The following NTM variants were observed in gnomAD, a reference collection of about 807,000 sequenced individuals.
NTM encodes the protein IgLON family member 2.
NTM carries 13 observed loss-of-function variants against 42.1 expected under a neutral mutation model. The observed-to-expected ratio is 0.31, with a 90% CI of 0.20 to 0.49. The LOEUF (loss-of-function observed/expected upper bound fraction) is 0.49. Ranked by LOEUF, NTM falls within the 20% of genes least tolerant of loss-of-function variation. The pLI is 0.99. For missense variants in NTM, 373 were observed against 452.8 expected, an observed-to-expected ratio of 0.82 and a Z score of 1.60; for synonymous variants, 187 against 179.2, an observed-to-expected ratio of 1.04 and a Z score of -0.35.
intron 1 of NTM, among the ~76,000 whole-genome samples, chr11:131,854,140 T>C (rs1369565575): frequency 6.6e-6 from 1 of 152,212 alleles, no homozygotes; most frequent in Non-Finnish European, 1.5e-5. Flanking sequence ...TGAAGTCATC[T>C]TAGAATAAGG....
At chr11:132,144,054 T>G (rs2069773950) in intron 2 of NTM, among the ~76,000 whole-genome samples, 1 of 152,188 alleles carries the variant, frequency 6.6e-6, no homozygotes. Context: ...ATTTCTTATC[T>G]CTGAGAGGAG....
chr11:132,201,020 T>C (rs2081078085), intron 3 of NTM, among the ~76,000 whole-genome samples: 1 of 152,028 alleles, frequency 6.6e-6, no homozygotes, highest in Non-Finnish European at 1.5e-5. Flanking sequence ...GTGAAGTGGG[T>C]TTCTGAACAG....
At chr11:132,124,239 G>A (rs568585618) in intron 2 of NTM, among the ~76,000 whole-genome samples, 1 of 151,984 alleles carries the variant, frequency 6.6e-6, no homozygotes, top group Non-Finnish European at 1.5e-5. Flanking sequence ...TCTACTTCCC[G>A]GTGTCTCCTG....
intron 1 of NTM, among the ~76,000 whole-genome samples, chr11:131,597,230 CTT>C (rs2059888987): frequency 6.6e-6 from 1 of 152,188 alleles, no homozygotes; most frequent in South Asian, 2.1e-4. Context: ...CCTTAGGAAA[CTT>C]AGGGGCCCCT....
chr11:131,651,732 TTGGGAGGC>T (rs2066504698), intron 1 of NTM, among the ~76,000 whole-genome samples: 1 of 152,102 alleles, frequency 6.6e-6, no homozygotes, highest in South Asian at 2.1e-4. Context: ...TCCCAGCTAC[TTGGGAGGC>T]TGAGGCAGGA....
chr11:132,053,939 G>A (rs2135947511), intron 2 of NTM, among the ~76,000 whole-genome samples: 1 of 152,314 alleles, frequency 6.6e-6, no homozygotes, highest in East Asian at 1.9e-4. Flanking sequence ...AAAGTCGCTG[G>A]GTGCGGTGGC....
At chr11:132,243,685 T>A (rs1010710106) in intron 4 of NTM, among the ~76,000 whole-genome samples, 2 of 152,198 alleles carry the variant, frequency 1.3e-5, no homozygotes, top group Admixed American at 1.3e-4. Context: ...CCCAAGCACC[T>A]TATGACAGTG....
chr11:131,415,726 TA>T (rs938526394), intron 1 of NTM, among the ~76,000 whole-genome samples: 2 of 152,180 alleles, frequency 1.3e-5, no homozygotes, highest in African/African-American at 4.8e-5. Flanking sequence ...ATCTGTATTT[TA>T]AGAAGGTCTC....
chr11:131,845,182 G>A (rs1366672294), intron 1 of NTM, among the ~76,000 whole-genome samples: 1 of 152,058 alleles, frequency 6.6e-6, no homozygotes, highest in Admixed American at 6.5e-5. Flanking sequence ...TTATTAAATA[G>A]TTGTTCTGTA....
intron 1 of NTM, among the ~76,000 whole-genome samples, chr11:131,871,583 A>G (rs2047789167): frequency 6.6e-6 from 1 of 152,218 alleles, no homozygotes; most frequent in Non-Finnish European, 1.5e-5. Flanking sequence ...ATGTTTATTA[A>G]TTGATTTCTA....
intron 1 of NTM, among the ~76,000 whole-genome samples, chr11:131,696,166 A>G (rs1167724941): frequency 6.6e-6 from 1 of 152,180 alleles, no homozygotes; most frequent in African/African-American, 2.4e-5. Flanking sequence ...CTCGGAGAGA[A>G]CAAATGTCCT....
intron 1 of NTM, among the ~76,000 whole-genome samples, chr11:131,748,342 TG>T (rs1271644265): frequency 6.6e-6 from 1 of 152,232 alleles, no homozygotes; most frequent in Non-Finnish European, 1.5e-5. Context: ...CAGATAATTC[TG>T]GATTCTCACC....
At chr11:132,315,020 A>G (rs2095391010) in intron 7 of NTM, 5 of 1,118,794 alleles carry the variant, frequency 4.5e-6, no homozygotes, top group East Asian at 4.7e-5. Flanking sequence ...GTTTCATTCT[A>G]TAATGGAAAA....
chr11:131,617,909 T>G (rs546617900), intron 1 of NTM, among the ~76,000 whole-genome samples: 2 of 152,242 alleles, frequency 1.3e-5, no homozygotes, highest in East Asian at 3.9e-4. Context: ...CCACCCAGTG[T>G]GCCGTCTGAC....
intron 1 of NTM, among the ~76,000 whole-genome samples, chr11:131,470,601 C>G (rs1952344355): frequency 6.6e-6 from 1 of 152,158 alleles, no homozygotes; most frequent in Admixed American, 6.5e-5. Context: ...AAATCCTGGC[C>G]AATGGGGACC....
chr11:131,545,863 A>G (rs1281794063), intron 1 of NTM, among the ~76,000 whole-genome samples: 2 of 152,188 alleles, frequency 1.3e-5, no homozygotes, highest in Non-Finnish European at 2.9e-5. Context: ...CTTCATGCAA[A>G]GAACATTTGA....
intron 2 of NTM, among the ~76,000 whole-genome samples, chr11:132,120,685 T>A (rs1265297923): frequency 6.6e-6 from 1 of 152,322 alleles, no homozygotes; most frequent in Non-Finnish European, 1.5e-5. Context: ...CTGCTTAGGG[T>A]TCTGCAAGGA....
At chr11:131,569,346 A>T (rs1255451111) in intron 1 of NTM, among the ~76,000 whole-genome samples, 1 of 150,956 alleles carries the variant, frequency 6.6e-6, no homozygotes, top group East Asian at 2.0e-4. Context: ...GGGTTTAACC[A>T]TGTTGGCCAG....
rs74962214 is a variant in NTM, at chr11:131,856,848, C to T, written c.83-54716C>T. Among the ~76,000 whole-genome samples the T allele has an allele frequency of 2.8e-3, 429 of 152,262 alleles. 2 individuals carry two copies. The highest frequency in any genetic ancestry group is 9.8e-3 in the African/African-American group (407 of 41,538). Reference sequence around the variant, plus strand: ...TAATAGCCCATTTTACAGGCAAGGACGTTAAGGCCCATCCAGAAAGCTTTA... The same window carrying T: ...TAATAGCCCATTTTACAGGCAAGGATGTTAAGGCCCATCCAGAAAGCTTTA... On this transcript the variant is annotated intron_variant, in intron 1 of 8. Transcript: ENST00000683400.
Sources: allele counts gnomAD v4.1 joint callset (sites outside exome capture counted in the v4.1 genomes callset), GRCh38; gene constraint gnomAD v4.1.1; transcripts MANE v1.5; gene names NCBI Gene and HGNC (gene_info 2026-07-23, HGNC 2026-07-21).